Variants in STRA6 observed in about 807,000 individuals in gnomAD.
The protein encoded by STRA6 is signaling receptor and transporter of retinol STRA6, also known as receptor for retinol uptake STRA6.
Under a neutral mutation model 83.6 loss-of-function variants are expected in STRA6, and 48 were observed. The observed-to-expected ratio is 0.57, with a 90% CI of 0.46 to 0.73. The LOEUF (loss-of-function observed/expected upper bound fraction) is 0.73, where lower values mean the gene tolerates loss of function less well. Ranked by LOEUF, STRA6 falls within the 30% of genes least tolerant of loss-of-function variation. STRA6 has a pLI of 0.00. For missense variants in STRA6, 760 were observed against 838.8 expected (o/e 0.91, Z 1.16); for synonymous variants, 353 against 362.3 (o/e 0.97, Z 0.29).
chr15:74,195,840 C>T (rs778557389), intron 5 of STRA6, among the ~76,000 whole-genome samples, 165 bp from the exon 6 acceptor site: 6 of 152,146 alleles, frequency 3.9e-5, no homozygotes, highest in Non-Finnish European at 8.8e-5. Context: ...TTTGTAGCAT[C>T]GTTGTAAAGA....
chr15:74,199,163 C>T (rs766082919), intron 2 of STRA6, among the ~76,000 whole-genome samples: 52 of 152,240 alleles, frequency 3.4e-4, no homozygotes, highest in Admixed American at 1.3e-4. Flanking sequence ...CCCACCAAAA[C>T]GCCCTCCACT....
Position 74,208,361 on chromosome 15 carries a change from G to A in STRA6, c.-16+439C>T, listed in dbSNP as rs1257165384. ...CAGCTATAAGAGCCCCACGTTCTCC[G>A]TTCCCAGCACGTTCCTCCCTGGGCT... is the stretch of plus-strand genomic sequence containing the variant. On this transcript the variant is annotated intron_variant, in intron 1 of 18. Transcript: ENST00000323940. 3.9e-5 allele frequency among the ~76,000 whole-genome samples: 6 copies of A among 152,144 alleles called. 1 individual carries two copies. The highest frequency in any genetic ancestry group is 4.8e-5 in the African/African-American group (2 of 41,416).
chr15:74,200,891 T>A (rs2074027658), intron 2 of STRA6, among the ~76,000 whole-genome samples: 1 of 152,188 alleles, frequency 6.6e-6, no homozygotes, highest in Non-Finnish European at 1.5e-5. Flanking sequence ...TACAGGCACC[T>A]GGCCCCCAGC....
At chr15:74,202,998 C>T (rs1373035347), upstream of STRA6, 3 of 986,284 alleles carry the variant, frequency 3.0e-6, no homozygotes, top group Non-Finnish European at 3.6e-6. Context: ...ACTTCACACA[C>T]ATACCTGCCT....
chr15:74,212,032 C>T (rs1014087061), upstream of STRA6: 13 of 152,380 alleles, frequency 8.5e-5, no homozygotes, highest in African/African-American at 3.1e-4. Flanking sequence ...CTTTTCTAAG[C>T]TAGCCTGGGC....
rs2073377027 is a variant in STRA6, at chr15:74,188,631, G to A, written c.1090+484C>T. ...AAGGGGAAGCCAAGATGGTTCCCTGGTTCAGGAGCTCATTGTCAGAGGAGG... is the reference window on the plus strand; with the variant it reads ...AAGGGGAAGCCAAGATGGTTCCCTGATTCAGGAGCTCATTGTCAGAGGAGG... On this transcript the variant is annotated intron_variant, in intron 12 of 18. Transcript: ENST00000395105. This position sits in a 1 kb window ranked among gnomAD's most constrained non-coding sequence, Gnocchi z 4.5. Among the ~76,000 whole-genome samples the A allele has an allele frequency of 6.6e-6, 1 of 152,218 alleles. No individual in the cohort carries two copies.
chr15:74,185,949 G>A (rs954219138), intron 12 of STRA6, among the ~76,000 whole-genome samples: 4 of 152,220 alleles, frequency 2.6e-5, no homozygotes, highest in Non-Finnish European at 4.4e-5. Context: ...AGTGTTCCTG[G>A]TGCCCGTGTC....
chr15:74,182,682 G>A (rs984816897), intron 14 of STRA6: 3 of 564,656 alleles, frequency 5.3e-6, no homozygotes, highest in African/African-American at 1.9e-5. Context: ...CTCAGAGGCT[G>A]TTGTAAGGAT....
intron 4 of STRA6, among the ~76,000 whole-genome samples, chr15:74,197,021 G>A (rs972727844): frequency 3.3e-5 from 5 of 152,190 alleles, no homozygotes; most frequent in African/African-American, 7.2e-5. Flanking sequence ...GCATTGGGAT[G>A]GTCACGTCAA....
At chr15:74,189,094 G>A (rs771295987) in intron 12 of STRA6, 21 bp downstream of exon 12, 1 of 1,613,638 alleles carries the variant, frequency 6.2e-7, no homozygotes, top group Middle Eastern at 1.6e-4. Flanking sequence ...GCAGCCCTCA[G>A]GGGCTCCCTG....
In STRA6 at chr15:74,196,097, A is replaced by C. The variant is rs1415301266; in HGVS notation, c.317T>G (p.Val106Gly). ...GDRPRAVPAAVFMVLLSSLCL... is the reference protein window; with the variant it reads ...GDRPRAVPAAGFMVLLSSLCL... ...CAGGGAGCTCAGGAGGACCATGAAA[A>C]CAGCAGCAGGCACTGCCCGGGGCCT... is the stretch of plus-strand genomic sequence containing the variant. The change falls in exon 5 of 19, where the codon GTT becomes GGT. Residue 106 changes from valine (V) to glycine (G), a missense_variant. Coordinates refer to ENST00000395105, the MANE Select transcript of STRA6 (RefSeq NM_022369.4). The C allele has an allele frequency of 6.2e-7, 1 of 1,613,876 alleles. No individual in the cohort carries two copies. The highest frequency in any genetic ancestry group is 8.5e-7 in the Non-Finnish European group (1 of 1,180,012).
chr15:74,202,918 G>C, upstream of STRA6: 1 of 989,886 alleles, frequency 1.0e-6, no homozygotes, highest in South Asian at 4.7e-5. Context: ...TGGGGGAGGA[G>C]GCCCCAGCAC....
At chr15:74,193,592 C>T (rs543176148) in intron 8 of STRA6, among the ~76,000 whole-genome samples, 24 of 152,270 alleles carry the variant, frequency 1.6e-4, no homozygotes, top group African/African-American at 5.5e-4. Flanking sequence ...AGCCCAGTGC[C>T]GCGGGTATCC....
At chr15:74,180,651 C>T (rs1050461957) in intron 18 of STRA6, 131 bp downstream of exon 18, 13 of 1,358,296 alleles carry the variant, frequency 9.6e-6, no homozygotes, top group Middle Eastern at 2.7e-4. Context: ...GAGGGGTGAC[C>T]AAAGGCAGCC....
chr15:74,210,912 G>A (rs1485095463), upstream of STRA6, among the ~76,000 whole-genome samples: 2 of 152,216 alleles, frequency 1.3e-5, no homozygotes, highest in East Asian at 1.9e-4. Flanking sequence ...ATCTCAGGCA[G>A]CCATCTTGGA....
rs894669461 is a variant in STRA6 at position 74,188,351 on chromosome 15, G to A, written c.1090+764C>T. On this transcript the variant is annotated intron_variant, in intron 12 of 18. Coordinates refer to ENST00000395105, the MANE Select transcript of STRA6 (RefSeq NM_022369.4). This position sits in a 1 kb window ranked among gnomAD's most constrained non-coding sequence, Gnocchi z 4.5. ...CGGGGGCCCATCCGTCCCAGCCTGG[G>A]GTCCCCAAGTAAGCAGAAGGCGCAT... Among the ~76,000 whole-genome samples, 1 of 152,254 alleles carries A rather than the reference G, an allele frequency of 6.6e-6. No individual in the cohort carries two copies. The highest frequency in any genetic ancestry group is 1.5e-5 in the Non-Finnish European group (1 of 68,044).
rs1379338416 is a variant in STRA6, at chr15:74,191,602, T to A, written c.721-111A>T. 7 of 957,024 alleles carry A rather than the reference T, an allele frequency of 7.3e-6. No individual in the cohort carries two copies. The East Asian group carries it at 1.2e-4, about 17-fold the overall frequency. 59.3% of individuals were successfully genotyped at this position (957,024 alleles called of 1,614,324 possible). ...CAAGCAGGTGCTCCATAAAAACCTG[T>A]TGGCCATGGCGGTGGTGGTGAGTGT... On this transcript the variant is annotated intron_variant, in intron 8 of 18. Coordinates refer to ENST00000395105, the MANE Select transcript of STRA6 (RefSeq NM_022369.4).
chr15:74,183,956 G>A lies in STRA6; in HGVS notation c.1200C>T (p.Ala400=). 1.2e-6 allele frequency: 2 copies of A among 1,613,816 alleles called. No individual in the cohort carries two copies. Among genetic ancestry groups the A allele is most frequent in the African/African-American group, 1.3e-5 (1 of 75,040 alleles). The change falls in exon 14 of 19, where the codon GCC becomes GCT. Residue 400 remains alanine (A), a synonymous_variant. Transcript: ENST00000395105. ...TNLRALHRGA[A]LDLSPLHRSP... ...TCCGATGCAAGGGACTCAAGTCCAG[G>A]GCAGCTCCTCGGTGCAGAGCTCGAA...
chr15:74,196,031 G>C lies in STRA6; in HGVS notation c.383C>G (p.Thr128Ser), dbSNP rs1595853738. ...LPDEDALPFL[T>S]LASAPSQDGK... ...ACCTTGGCTGGGTGCTGAGGCGAGA[G>C]TCAGGAAGGGCAATGCGTCCTCGTC... Residue 128 changes from threonine to serine, a missense_variant, in exon 5 of 19, where the codon ACT becomes AGT. Thr to Ser is a moderately conservative substitution (Grantham distance 58). Transcript: ENST00000395105. The C allele has an allele frequency of 1.9e-6, 3 of 1,613,882 alleles. No homozygotes were observed. In the African/African-American group the frequency reaches 4.0e-5, roughly 22 times the overall value.
Sources: gnomAD v4.1 joint callset for allele counts (sites outside exome capture counted in the v4.1 genomes callset) on GRCh38, gnomAD v4.1.1 for gene constraint, Gnocchi (gnomAD v3.1) non-coding constraint, MANE v1.5 for transcripts, NCBI Gene and HGNC (gene_info 2026-07-23, HGNC 2026-07-21) for gene names.